The following FBXO28 variants were observed in gnomAD, a reference collection of about 807,000 sequenced individuals.
The protein encoded by FBXO28 is F-box only protein 28.
A neutral mutation model predicts 38.1 loss-of-function variants in FBXO28; 8 were observed. The ratio of observed to expected loss-of-function variants is 0.21; its 90% CI spans 0.12 to 0.38. The LOEUF is 0.38. Ranked by LOEUF, FBXO28 falls within the 10% of genes least tolerant of loss-of-function variation. The pLI is 1.00. For synonymous variants in FBXO28, 168 were observed against 173.8 expected (o/e 0.97, Z 0.26); for missense variants, 345 against 460.6 (o/e 0.75, Z 2.30).
chr1:224,124,306 C>G (rs971311821), intron 1 of FBXO28, among the ~76,000 whole-genome samples: 1 of 152,174 alleles, frequency 6.6e-6, no homozygotes, highest in Non-Finnish European at 1.5e-5. Flanking sequence ...TAACAGGAGC[C>G]CAAGCTATAT....
intron 3 of FBXO28, among the ~76,000 whole-genome samples, chr1:224,141,111 G>A (rs1458437718): frequency 6.6e-6 from 1 of 152,098 alleles, no homozygotes; most frequent in Admixed American, 6.6e-5. Context: ...GAACCTGGGA[G>A]GCGGAGGCTG....
Position 224,129,097 on chromosome 1 carries a change from T to C in FBXO28, c.268-1375T>C, listed in dbSNP as rs1656974151. 3.3e-5 allele frequency among the ~76,000 whole-genome samples: 5 copies of C among 152,254 alleles called. No homozygotes were observed. In the South Asian group the frequency reaches 1.0e-3, roughly 32 times the overall value. On this transcript the variant is annotated intron_variant, in intron 1 of 4. Coordinates refer to ENST00000366862, the MANE Select transcript of FBXO28 (RefSeq NM_015176.4). ...GGCTCACACTTGTAATCCCAACCCT[T>C]TGGGAGGCCAAGGCGGATGGATTAC...
chr1:224,161,340 T>C lies in FBXO28; in HGVS notation c.*3594T>C, dbSNP rs1337435981. ...CATTTGTTACACTTACCAAACTCTC[T>C]AAAAACATATACTGTGAGTAAGATT... On this transcript the variant is annotated 3_prime_UTR_variant, in exon 5 of 5. Transcript: ENST00000366862. 3.3e-5 allele frequency: 5 copies of C among 152,216 alleles called. No homozygotes were observed. The highest frequency in any genetic ancestry group is 5.9e-5 in the Non-Finnish European group (4 of 68,040). The allele number at this position is 152,216 out of a possible 1,614,324, so 9.4% of individuals were successfully genotyped here.
At chr1:224,145,774 T>C (rs1371560862) in intron 3 of FBXO28, among the ~76,000 whole-genome samples, 1 of 151,800 alleles carries the variant, frequency 6.6e-6, no homozygotes, top group African/African-American at 2.4e-5. Flanking sequence ...AGTACAAAAA[T>C]TATCCGGGCA....
At chr1:224,131,443 C>T (rs982173907) in intron 2 of FBXO28, among the ~76,000 whole-genome samples, 1 of 152,054 alleles carries the variant, frequency 6.6e-6, no homozygotes, top group Non-Finnish European at 1.5e-5. Flanking sequence ...CTATAGTAAT[C>T]AAAACAGTAT....
rs67458349 is a variant in FBXO28, at chr1:224,119,135, C to CTTTTTT, written c.267+4752_267+4757dup. Among the ~76,000 whole-genome samples the CTTTTTT allele has an allele frequency of 2.5e-3, 280 of 109,904 alleles. 8 individuals are homozygous for CTTTTTT. The highest frequency in any genetic ancestry group is 0.013 in the Middle Eastern group (2 of 154). 72.1% of individuals were successfully genotyped at this position (109,904 alleles called of 152,430 possible). On this transcript the variant is annotated intron_variant, in intron 1 of 4. Transcript: ENST00000366862. ...CTCTTGCTGATTTTTTCTTTTTTTT[C>CTTTTTT]TTTTTTTTTTTTTTTTTTGACGGAA...
chr1:224,137,216 A>G (rs905624309), intron 3 of FBXO28, among the ~76,000 whole-genome samples: 5 of 151,472 alleles, frequency 3.3e-5, no homozygotes, highest in African/African-American at 1.2e-4. Flanking sequence ...ATGTACCAAA[A>G]TTTTGGACCT....
rs546497117 is a variant in FBXO28 at position 224,114,484 on chromosome 1, C to G, written c.267+88C>G. ...GGAGCGCGTTCCCCGGGAAGGGAGC[C>G]CCCCGCGAGCCCCAGCCGGCTACAG... On this transcript the variant is annotated intron_variant, in intron 1 of 4. Coordinates refer to ENST00000366862, the MANE Select transcript of FBXO28 (RefSeq NM_015176.4). The G allele has an allele frequency of 7.1e-6, 8 of 1,120,606 alleles. No homozygotes were observed. In the South Asian group the frequency reaches 1.3e-4, roughly 18 times the overall value. The allele number at this position is 1,120,606 out of a possible 1,614,324, so 69.4% of individuals were successfully genotyped here. A position where few individuals can be genotyped will look rare whatever the true frequency, so the allele number is the denominator to read the frequency against.
Position 224,114,397 on chromosome 1 carries a change from G to C in FBXO28, c.267+1G>C. The C allele has an allele frequency of 6.4e-7, 1 of 1,572,162 alleles. No individual in the cohort carries two copies. Among genetic ancestry groups the C allele is most frequent in the Non-Finnish European group, 8.7e-7 (1 of 1,155,714 alleles). On this transcript the variant is annotated splice_donor_variant, in intron 1 of 4. Coordinates refer to ENST00000366862, the MANE Select transcript of FBXO28 (RefSeq NM_015176.4). LOFTEE classifies it high-confidence loss of function. ...CGACGAAATTAGCCAGCTCCGCCTG[G>C]TGAGGCCCCCGCAGAACTCCTGCCT...
intron 3 of FBXO28, among the ~76,000 whole-genome samples, chr1:224,137,227 TTAAAG>T (rs1240165864): frequency 3.3e-5 from 5 of 151,694 alleles, no homozygotes; most frequent in Non-Finnish European, 4.4e-5. Context: ...TTTTGGACCT[TTAAAG>T]TAATAGTTGG....
At chr1:224,135,658 G>A (rs1161643065) in intron 3 of FBXO28, among the ~76,000 whole-genome samples, 1 of 144,604 alleles carries the variant, frequency 6.9e-6, no homozygotes, top group African/African-American at 2.6e-5. Flanking sequence ...GAAAAATTTA[G>A]TATCTGGCCT....
rs958204529 is a variant in FBXO28, at chr1:224,150,359, A to C, written c.517-2783A>C. On this transcript the variant is annotated intron_variant, in intron 3 of 4. Transcript: ENST00000366862. ...GTACTGTGGTACTTTTCCTATATATAACCCATATGTAAAACGTTGATAAAC... is the reference window on the plus strand; with the variant it reads ...GTACTGTGGTACTTTTCCTATATATCACCCATATGTAAAACGTTGATAAAC... Among the ~76,000 whole-genome samples, 84 of 152,280 alleles carry C rather than the reference A, an allele frequency of 5.5e-4. 2 individuals carry two copies. Among genetic ancestry groups the C allele is most frequent in the African/African-American group, 2.0e-3 (82 of 41,530 alleles).
Position 224,139,079 on chromosome 1 carries a change from A to G in FBXO28, c.516+4867A>G, listed in dbSNP as rs552215730. Among the ~76,000 whole-genome samples the G allele has an allele frequency of 8.2e-4, 124 of 151,736 alleles. 5 individuals are homozygous for G. The highest frequency in any genetic ancestry group is 1.0e-3 in the South Asian group (5 of 4,810). On this transcript the variant is annotated intron_variant, in intron 3 of 4. Transcript: ENST00000366862. ...ATTACAGATGTGAGCCACTGCGCCC[A>G]GCCCAGTCTCTGCTCTTAACTGTCA...
At chr1:224,139,585 TAC>T (rs1657290078) in intron 3 of FBXO28, among the ~76,000 whole-genome samples, 1 of 151,756 alleles carries the variant, frequency 6.6e-6, no homozygotes, top group African/African-American at 2.4e-5. Flanking sequence ...CTACTAAAAA[TAC>T]AAAAATTAGC....
At chr1:224,142,767 G>A (rs1250967768) in intron 3 of FBXO28, among the ~76,000 whole-genome samples, 1 of 152,008 alleles carries the variant, frequency 6.6e-6, no homozygotes, top group Non-Finnish European at 1.5e-5. Flanking sequence ...TGGGCAACAT[G>A]GTGAAACCCT....
At chr1:224,137,620 G>A (rs895553635) in intron 3 of FBXO28, among the ~76,000 whole-genome samples, 6 of 151,854 alleles carry the variant, frequency 4.0e-5, no homozygotes, top group Admixed American at 1.3e-4. Flanking sequence ...AAGCTATAAA[G>A]TAGAGAAACA....
Position 224,158,412 on chromosome 1 carries a change from G to C in FBXO28, c.*666G>C. On this transcript the variant is annotated 3_prime_UTR_variant, in exon 5 of 5. Transcript: ENST00000366862. ...GGCCATGTCCTACATTTGCATGGAT[G>C]GATGCATGCATTGCCTAGTCAACTC... is the stretch of plus-strand genomic sequence containing the variant. The C allele has an allele frequency of 5.8e-6, 1 of 171,634 alleles. No individual in the cohort carries two copies. Among genetic ancestry groups the C allele is most frequent in the Non-Finnish European group, 1.2e-5 (1 of 85,478 alleles). The allele number at this position is 171,634 out of a possible 1,614,324, so 10.6% of individuals were successfully genotyped here.
intron 3 of FBXO28, among the ~76,000 whole-genome samples, chr1:224,150,031 AAAT>A (rs1657603552): frequency 6.6e-6 from 1 of 152,232 alleles, no homozygotes; most frequent in African/African-American, 2.4e-5. Flanking sequence ...CAACATTTAA[AAAT>A]TATGGAAGGC....
chr1:224,126,109 G>T (rs1656897538), intron 1 of FBXO28, among the ~76,000 whole-genome samples: 1 of 152,048 alleles, frequency 6.6e-6, no homozygotes, highest in Admixed American at 6.6e-5. Context: ...AGCAATCTTT[G>T]CCCTCTCCTC....
Sources: gnomAD v4.1 joint callset for allele counts (sites outside exome capture counted in the v4.1 genomes callset) on GRCh38, gnomAD v4.1.1 for gene constraint, MANE v1.5 for transcripts, NCBI Gene and HGNC (gene_info 2026-07-23, HGNC 2026-07-21) for gene names.